LRRC49: variants seen among roughly 807,000 people sequenced by gnomAD.
LRRC49 encodes leucine rich repeat containing 49, also known as leucine-rich repeat-containing protein 49.
In LRRC49, 50 loss-of-function variants were observed where a neutral mutation model predicts 83.3. That is an observed-to-expected ratio of 0.60 (90% CI 0.48 to 0.76). The LOEUF (loss-of-function observed/expected upper bound fraction) is 0.76, where lower values mean the gene tolerates loss of function less well. Ranked by LOEUF, LRRC49 falls within the 30% of genes least tolerant of loss-of-function variation. The probability of loss-of-function intolerance (pLI) is 0.00; values close to 1 mark genes in which losing one functional copy is unlikely to be tolerated. For synonymous variants in LRRC49, 286 were observed against 283.3 expected (o/e 1.01, Z -0.10); for missense variants, 704 against 809.1 (o/e 0.87, Z 1.58).
intron 5 of LRRC49, chr15:70,908,802 A>G (rs867483312): frequency 2.0e-5 from 3 of 152,264 alleles, no homozygotes; most frequent in Admixed American, 2.0e-4. Flanking sequence ...TTGGTTCCTG[A>G]ACAAAGATGA....
chr15:70,899,689 A>G (rs2033988197), intron 3 of LRRC49, among the ~76,000 whole-genome samples: 1 of 152,144 alleles, frequency 6.6e-6, no homozygotes, highest in South Asian at 2.1e-4. Flanking sequence ...GCTTTTTAAT[A>G]TGATTTATAT....
At chr15:70,918,024 T>C (rs2034853881) in intron 6 of LRRC49, among the ~76,000 whole-genome samples, 1 of 152,222 alleles carries the variant, frequency 6.6e-6, no homozygotes, top group Admixed American at 6.5e-5. Flanking sequence ...GTTCCTCGCA[T>C]ATCCAAGCTT....
chr15:70,962,733 A>G (rs2036647815), intron 8 of LRRC49, among the ~76,000 whole-genome samples: 1 of 152,208 alleles, frequency 6.6e-6, no homozygotes, highest in Admixed American at 6.5e-5. Flanking sequence ...GTATTGGATA[A>G]TAACCCAAAG....
intron 13 of LRRC49, among the ~76,000 whole-genome samples, chr15:71,010,801 C>T (rs74021921): frequency 0.014 from 2,090 of 151,894 alleles, 55 homozygotes; most frequent in African/African-American, 0.048. Flanking sequence ...TTAAACACTC[C>T]TCCAGAGGAA....
chr15:71,049,586 C>G lies in LRRC49; in HGVS notation c.2035C>G (p.Leu679Val), dbSNP rs2039959411. 8.7e-6 allele frequency: 14 copies of G among 1,611,994 alleles called. No homozygotes were observed. The East Asian group carries it at 2.0e-4, about 23-fold the overall frequency. The change falls in exon 16 of 16, where the codon CTA becomes GTA. Residue 679 changes from leucine to valine, a missense_variant. Physicochemically the swap from Leu to Val is conservative, Grantham distance 32 (BLOSUM62 1). Coordinates refer to ENST00000260382, the MANE Select transcript of LRRC49 (RefSeq NM_017691.5). ...TAAAAATTCCTATATGAAGCTCTGCCTACAGCAGATAACAGACCAAAAATA... is the reference window on the plus strand; with the variant it reads ...TAAAAATTCCTATATGAAGCTCTGCGTACAGCAGATAACAGACCAAAAATA... ...RNKNSYMKLC[L>V]QQITDQK
intron 15 of LRRC49, among the ~76,000 whole-genome samples, chr15:71,038,891 A>G (rs2039611222): frequency 6.6e-6 from 1 of 152,154 alleles, no homozygotes; most frequent in Non-Finnish European, 1.5e-5. Flanking sequence ...CACCTGTCAT[A>G]CACAACACAC....
At chr15:70,860,288 C>A in intron 1 of LRRC49, 1 of 547,370 alleles carries the variant, frequency 1.8e-6, no homozygotes. Context: ...GCCCTCAGCC[C>A]ACCCGCGGGG....
chr15:71,041,272 C>T (rs1390343191), intron 15 of LRRC49, among the ~76,000 whole-genome samples: 7 of 152,036 alleles, frequency 4.6e-5, no homozygotes, highest in Non-Finnish European at 1.0e-4. Flanking sequence ...TGCCTAATAT[C>T]ACTATTATAT....
In LRRC49 at chr15:70,954,745, T is replaced by A. The variant is rs2036339056; in HGVS notation, c.774-9040T>A. ...GATGCATGCTCTAACCCTGTGGGAC[T>A]GGGACTGGGTCAGCAGCTTTGTCCT... On this transcript the variant is annotated intron_variant, in intron 8 of 15. Coordinates refer to ENST00000260382, the MANE Select transcript of LRRC49 (RefSeq NM_017691.5). Among the ~76,000 whole-genome samples the A allele has an allele frequency of 2.0e-5, 3 of 152,022 alleles. No homozygotes were observed. In the South Asian group the frequency reaches 6.2e-4, roughly 32 times the overall value.
intron 13 of LRRC49, among the ~76,000 whole-genome samples, chr15:71,011,529 A>C (rs935878095): frequency 6.6e-6 from 1 of 152,152 alleles, no homozygotes; most frequent in Non-Finnish European, 1.5e-5. Context: ...CACTTTATTA[A>C]AATACCTAAA....
intron 13 of LRRC49, 49 bp downstream of exon 13, chr15:71,010,041 T>A: frequency 8.8e-7 from 1 of 1,132,900 alleles, no homozygotes; most frequent in South Asian, 2.3e-5. Flanking sequence ...TCCTTCTTAG[T>A]GAAAATAGTT....
chr15:70,925,261 C>G (rs575633748), intron 7 of LRRC49, among the ~76,000 whole-genome samples: 2 of 152,052 alleles, frequency 1.3e-5, no homozygotes, highest in East Asian at 3.9e-4. Flanking sequence ...AAATATTACA[C>G]CATGATTTGG....
At chr15:70,969,840 T>A (rs2036930035) in intron 9 of LRRC49, among the ~76,000 whole-genome samples, 1 of 152,298 alleles carries the variant, frequency 6.6e-6, no homozygotes, top group Admixed American at 6.5e-5. Context: ...ATCCTGAGAC[T>A]TTGCTGAAGT....
chr15:70,961,003 A>G (rs1362606211), intron 8 of LRRC49, among the ~76,000 whole-genome samples: 1 of 152,208 alleles, frequency 6.6e-6, no homozygotes, highest in Non-Finnish European at 1.5e-5. Flanking sequence ...CAAGCCACAG[A>G]CTGAGATAAA....
chr15:70,997,526 G>A (rs1278895529), intron 11 of LRRC49, among the ~76,000 whole-genome samples: 1 of 152,094 alleles, frequency 6.6e-6, no homozygotes, highest in Non-Finnish European at 1.5e-5. Flanking sequence ...TGAGGCGGGT[G>A]GATAACCTGA....
intron 7 of LRRC49, among the ~76,000 whole-genome samples, chr15:70,934,225 A>G (rs1401876603): frequency 6.6e-6 from 1 of 152,214 alleles, no homozygotes; most frequent in Non-Finnish European, 1.5e-5. Flanking sequence ...TAAATAATGC[A>G]TGCATAGATA....
chr15:71,014,243 C>T (rs2038752454), intron 14 of LRRC49, among the ~76,000 whole-genome samples: 1 of 152,010 alleles, frequency 6.6e-6, no homozygotes. Flanking sequence ...ATTAAATAAC[C>T]TACAAGGAAA....
At chr15:70,928,348 G>A (rs2035286656) in intron 7 of LRRC49, among the ~76,000 whole-genome samples, 1 of 152,030 alleles carries the variant, frequency 6.6e-6, no homozygotes, top group African/African-American at 2.4e-5. Flanking sequence ...GTCTAAAAGA[G>A]CTCTTTCAGT....
At chr15:70,927,106 G>C (rs2035231459) in intron 7 of LRRC49, among the ~76,000 whole-genome samples, 1 of 152,136 alleles carries the variant, frequency 6.6e-6, no homozygotes, top group Non-Finnish European at 1.5e-5. Context: ...AGGATGTGGA[G>C]AAACTACCAG....
Sources: gnomAD v4.1 joint callset for allele counts (sites outside exome capture counted in the v4.1 genomes callset) on GRCh38, gnomAD v4.1.1 for gene constraint, MANE v1.5 for transcripts, NCBI Gene and HGNC (gene_info 2026-07-23, HGNC 2026-07-21) for gene names.